Variants in BCL2L13 observed in about 807,000 individuals in gnomAD.
BCL2L13 encodes BCL2 like 13, also known as bcl-2-like protein 13.
In BCL2L13, 13 loss-of-function variants were observed where a neutral mutation model predicts 25.8. The ratio of observed to expected loss-of-function variants is 0.50; its 90% CI spans 0.33 to 0.80. The LOEUF (loss-of-function observed/expected upper bound fraction) is 0.80, where lower values mean the gene tolerates loss of function less well. Among genes scored for constraint, BCL2L13 ranks in the 30% least tolerant of loss-of-function variants. BCL2L13 has a pLI of 0.02. For missense variants in BCL2L13, 504 were observed against 574.9 expected, an observed-to-expected ratio of 0.88 and a Z score of 1.26; for synonymous variants, 244 against 230.3, an observed-to-expected ratio of 1.06 and a Z score of -0.54.
At chr22:17,645,683 T>C (rs1224868747) in intron 1 of BCL2L13, among the ~76,000 whole-genome samples, 1 of 151,618 alleles carries the variant, frequency 6.6e-6, no homozygotes, top group Non-Finnish European at 1.5e-5. Flanking sequence ...TATTGTAGAA[T>C]TGTGGATATA....
At chr22:17,700,118 T>C (rs1409689086) in intron 5 of BCL2L13, among the ~76,000 whole-genome samples, 2 of 152,024 alleles carry the variant, frequency 1.3e-5, no homozygotes, top group Non-Finnish European at 2.9e-5. Context: ...ATGACATTTC[T>C]GCTCTGTGGT....
intron 4 of BCL2L13, among the ~76,000 whole-genome samples, chr22:17,695,447 G>A (rs1318274329): frequency 2.0e-5 from 3 of 151,980 alleles, no homozygotes; most frequent in African/African-American, 4.8e-5. Flanking sequence ...TTAGCCTCCC[G>A]AGTTGCTGGG....
intron 6 of BCL2L13, among the ~76,000 whole-genome samples, chr22:17,720,668 AT>A (rs752609758): frequency 4.3e-3 from 597 of 138,192 alleles, no homozygotes; most frequent in Non-Finnish European, 4.6e-3. Context: ...CCCGGCCTTA[AT>A]TTTTTTTTTT....
intron 1 of BCL2L13, among the ~76,000 whole-genome samples, chr22:17,654,461 C>G (rs144565999): frequency 6.6e-6 from 1 of 150,640 alleles, no homozygotes; most frequent in African/African-American, 2.4e-5. Flanking sequence ...CTCGCTCTGT[C>G]GCCCAGGCTG....
At chr22:17,717,401 G>T (rs1458950329) in intron 6 of BCL2L13, among the ~76,000 whole-genome samples, 13 of 109,898 alleles carry the variant, frequency 1.2e-4, no homozygotes, top group Admixed American at 1.1e-3. Context: ...CAATGTTGTT[G>T]TTCCCTCTTC....
At chr22:17,720,162 C>CTTTCTTTCTTTCTTTCTTTG in intron 6 of BCL2L13, among the ~76,000 whole-genome samples, 1 of 150,158 alleles carries the variant, frequency 6.7e-6, no homozygotes, top group South Asian at 2.1e-4. Context: ...CATTTTCTTT[C>CTTTCTTTCTTTCTTTCTTTG]TTTCTTTCTT....
At chr22:17,652,173 C>G (rs2058710013) in intron 1 of BCL2L13, among the ~76,000 whole-genome samples, 1 of 151,626 alleles carries the variant, frequency 6.6e-6, no homozygotes, top group South Asian at 2.1e-4. Flanking sequence ...CATAGCTTAG[C>G]CTGTGCTTAA....
intron 2 of BCL2L13, among the ~76,000 whole-genome samples, chr22:17,681,123 T>C (rs1273165989): frequency 6.6e-6 from 1 of 152,142 alleles, no homozygotes; most frequent in African/African-American, 2.4e-5. Flanking sequence ...GGTTACCCAA[T>C]AGTACAAAAC....
chr22:17,693,738 T>C (rs1010176490), intron 4 of BCL2L13, among the ~76,000 whole-genome samples: 1 of 151,568 alleles, frequency 6.6e-6, no homozygotes, highest in Non-Finnish European at 1.5e-5. Flanking sequence ...CTTTCCTTTT[T>C]CTTTTTTTTT....
intron 4 of BCL2L13, among the ~76,000 whole-genome samples, chr22:17,691,660 A>T (rs2060110264): frequency 6.6e-6 from 1 of 152,102 alleles, no homozygotes; most frequent in Non-Finnish European, 1.5e-5. Context: ...ACAAAAAAAA[A>T]AGAATCTTTT....
intron 5 of BCL2L13, among the ~76,000 whole-genome samples, chr22:17,698,551 T>G: frequency 1.2e-5 from 1 of 80,124 alleles, no homozygotes. Context: ...CAAGACCCTG[T>G]CTCTTAAAAA....
chr22:17,710,929 A>C (rs2060739830), intron 6 of BCL2L13, among the ~76,000 whole-genome samples: 1 of 152,220 alleles, frequency 6.6e-6, no homozygotes, highest in African/African-American at 2.4e-5. Flanking sequence ...TTGGCTTTTA[A>C]ACAATATATT....
intron 5 of BCL2L13, among the ~76,000 whole-genome samples, chr22:17,696,803 G>A (rs755265128): frequency 3.3e-5 from 5 of 152,094 alleles, no homozygotes; most frequent in Non-Finnish European, 7.4e-5. Flanking sequence ...TCTGATTCTA[G>A]CGTCTGTTTT....
intron 2 of BCL2L13, among the ~76,000 whole-genome samples, chr22:17,666,998 G>A (rs2920521): frequency 0.14 from 21,207 of 151,898 alleles, 2,026 homozygotes; most frequent in Non-Finnish European, 0.21. Flanking sequence ...ATAGTACTCC[G>A]TTGTCTATAT....
intron 6 of BCL2L13, among the ~76,000 whole-genome samples, chr22:17,722,241 G>T (rs2061159293): frequency 6.6e-6 from 1 of 151,020 alleles, no homozygotes; most frequent in African/African-American, 2.4e-5. Flanking sequence ...TGTTTTTTTT[G>T]GAATTGAGAC....
At chr22:17,662,640 A>G (rs1310716135) in intron 2 of BCL2L13, among the ~76,000 whole-genome samples, 1 of 151,874 alleles carries the variant, frequency 6.6e-6, no homozygotes, top group Non-Finnish European at 1.5e-5. Context: ...TACATGGCGA[A>G]ACCCCGCCTC....
intron 1 of BCL2L13, among the ~76,000 whole-genome samples, chr22:17,632,065 C>A (rs553896264): frequency 5.7e-4 from 86 of 151,902 alleles, no homozygotes; most frequent in Non-Finnish European, 9.6e-4. Context: ...CCATTTTTTC[C>A]CCATTTGTAC....
chr22:17,647,164 C>G (rs958119520), intron 1 of BCL2L13, among the ~76,000 whole-genome samples: 1 of 151,072 alleles, frequency 6.6e-6, no homozygotes, highest in East Asian at 1.9e-4. Context: ...CTAGTAGAGA[C>G]GGGGTTTCAC....
At chr22:17,682,601 TGA>T (rs2059788779) in intron 2 of BCL2L13, among the ~76,000 whole-genome samples, 1 of 152,166 alleles carries the variant, frequency 6.6e-6, no homozygotes, top group Non-Finnish European at 1.5e-5. Flanking sequence ...CCCGACTTAT[TGA>T]TACATCTTTC....
Sources: gnomAD v4.1 joint callset for allele counts (sites outside exome capture counted in the v4.1 genomes callset) on GRCh38, gnomAD v4.1.1 for gene constraint, MANE v1.5 for transcripts, NCBI Gene and HGNC (gene_info 2026-07-23, HGNC 2026-07-21) for gene names.